The following ADGRG5 variants were observed in gnomAD, a reference collection of about 807,000 sequenced individuals.
The protein encoded by ADGRG5 is adhesion G protein-coupled receptor G5.
A neutral mutation model predicts 53.2 loss-of-function variants in ADGRG5; 37 were observed. The ratio of observed to expected loss-of-function variants is 0.70; its 90% CI spans 0.53 to 0.91. The LOEUF is 0.91. Among genes scored for constraint, ADGRG5 ranks in the 40% least tolerant of loss-of-function variants. ADGRG5 has a pLI of 0.00. For missense variants in ADGRG5, 614 were observed against 675.8 expected (o/e 0.91, Z 1.01); for synonymous variants, 277 against 290.4 (o/e 0.95, Z 0.47).
At chr16:57,566,776 T>C (rs1225058767) in intron 7 of ADGRG5, 25 bp downstream of exon 7, 12 of 1,427,818 alleles carry the variant, frequency 8.4e-6, no homozygotes, top group Non-Finnish European at 1.1e-5. Flanking sequence ...TGAGTGGGGC[T>C]CAGAGCTACA....
intron 1 of ADGRG5, among the ~76,000 whole-genome samples, chr16:57,545,425 T>C (rs1304584988): frequency 6.6e-6 from 1 of 152,142 alleles, no homozygotes; most frequent in African/African-American, 2.4e-5. Flanking sequence ...GGTGGCTTCC[T>C]CCTATGATCC....
chr16:57,555,108 T>C (rs2032851713), intron 1 of ADGRG5, among the ~76,000 whole-genome samples: 1 of 152,232 alleles, frequency 6.6e-6, no homozygotes, highest in African/African-American at 2.4e-5. Context: ...TTTTTGTGAA[T>C]GTTTCCTGTT....
the ADGRG5 span, among the ~76,000 whole-genome samples, chr16:57,531,496 C>G: frequency 1.6e-4 from 24 of 152,208 alleles, no homozygotes; most frequent in Non-Finnish European, 2.5e-4. Flanking sequence ...CCTCCCTGCC[C>G]ATCATGCACT....
intron 3 of ADGRG5, 54 bp downstream of exon 3, chr16:57,562,513 G>T: frequency 2.3e-6 from 3 of 1,278,128 alleles, no homozygotes; most frequent in South Asian, 2.6e-5. Context: ...AGTGGGTCAG[G>T]GTTAGTCTAA....
At chr16:57,549,258 G>A (rs2032693387) in intron 1 of ADGRG5, among the ~76,000 whole-genome samples, 1 of 152,200 alleles carries the variant, frequency 6.6e-6, no homozygotes, top group South Asian at 2.1e-4. Context: ...TTGCAGATGA[G>A]GCTCAGATCT....
At chr16:57,562,529 A>G (rs1199891236) in intron 3 of ADGRG5, 70 bp downstream of exon 3, 3 of 1,014,740 alleles carry the variant, frequency 3.0e-6, no homozygotes, top group Non-Finnish European at 4.4e-6. Context: ...TCTAATGTAG[A>G]CTCTTAACTG....
Position 57,568,144 on chromosome 16 carries a change from T to C in ADGRG5, c.1090+20T>C. 1 of 1,611,406 alleles carries C rather than the reference T, an allele frequency of 6.2e-7. No individual in the cohort carries two copies. Reference sequence around the variant, plus strand: ...GCTGGGGTAAGCACATCATCTCTCCTCGCCTCCTCAGACTTCCAGGTGGGC... The same window carrying C: ...GCTGGGGTAAGCACATCATCTCTCCCCGCCTCCTCAGACTTCCAGGTGGGC... On this transcript the variant is annotated intron_variant, in intron 9 of 11. Transcript: ENST00000349457.
intron 1 of ADGRG5, among the ~76,000 whole-genome samples, chr16:57,557,355 T>C (rs1387012431): frequency 6.6e-6 from 1 of 152,256 alleles, no homozygotes; most frequent in Non-Finnish European, 1.5e-5. Flanking sequence ...ATCTTCTGTG[T>C]ACAATGGCTC....
chr16:57,534,872 A>G, the ADGRG5 span, among the ~76,000 whole-genome samples: 39 of 152,244 alleles, frequency 2.6e-4, no homozygotes, highest in African/African-American at 8.9e-4. Flanking sequence ...GGGAAGCCTA[A>G]TTGACCCACT....
At chr16:57,532,698 GACACAC>G in the ADGRG5 span, among the ~76,000 whole-genome samples, 11,057 of 147,698 alleles carry the variant, frequency 0.075, 635 homozygotes, top group African/African-American at 0.16. Context: ...AAGTGAAGCA[GACACAC>G]ACACACACAC....
the ADGRG5 span, chr16:57,536,717 GGGGCTCCAGCCTAACTTCGGGGCGA>G: frequency 6.6e-6 from 1 of 152,204 alleles, no homozygotes; most frequent in South Asian, 2.1e-4. Context: ...TGCTGGGGTG[GGGGCTCCAGCCTAACTTCGGGGCGA>G]GGGGTGCGGG....
At chr16:57,540,777 C>T (rs1206716663), upstream of ADGRG5, among the ~76,000 whole-genome samples, 1 of 152,018 alleles carries the variant, frequency 6.6e-6, no homozygotes, top group Non-Finnish European at 1.5e-5. Context: ...TAGGGAGCCA[C>T]CACTGGTTTT....
intron 11 of ADGRG5, 68 bp from the exon 12 acceptor site, chr16:57,575,370 A>T: frequency 6.9e-7 from 1 of 1,446,550 alleles, no homozygotes; most frequent in African/African-American, 1.4e-5. Flanking sequence ...AGCTCGCTGC[A>T]GCCAAGGAGA....
chr16:57,551,705 T>A (rs1396281013), intron 1 of ADGRG5, among the ~76,000 whole-genome samples: 1 of 152,216 alleles, frequency 6.6e-6, no homozygotes, highest in Non-Finnish European at 1.5e-5. Flanking sequence ...TCCAAACTCC[T>A]GTTAATGTTG....
At chr16:57,538,239 C>T (rs76306269), upstream of ADGRG5, among the ~76,000 whole-genome samples, 1 of 152,076 alleles carries the variant, frequency 6.6e-6, no homozygotes, top group Admixed American at 6.5e-5. Context: ...TTTGGCAGCT[C>T]GCATGATGTT....
chr16:57,571,725 G>A lies in ADGRG5; in HGVS notation c.1208+1190G>A, dbSNP rs144467124. 3.3e-3 allele frequency among the ~76,000 whole-genome samples: 462 copies of A among 140,462 alleles called. 5 individuals carry two copies. The highest frequency in any genetic ancestry group is 0.012 in the African/African-American group (445 of 37,154). The allele number at this position is 140,462 out of a possible 152,430, so 92.1% of individuals were successfully genotyped here. On this transcript the variant is annotated intron_variant, in intron 10 of 11. Transcript: ENST00000349457. ...GGCTGGAGTGCAATGGTGTGATCTCGGCTCACTGCAACCTCTGCCTCCTGG... is the reference window on the plus strand; with the variant it reads ...GGCTGGAGTGCAATGGTGTGATCTCAGCTCACTGCAACCTCTGCCTCCTGG...
intron 1 of ADGRG5, among the ~76,000 whole-genome samples, chr16:57,559,610 G>A (rs371888371): frequency 2.6e-5 from 4 of 151,986 alleles, no homozygotes; most frequent in African/African-American, 4.8e-5. Context: ...CTACTTTTGC[G>A]GCAACTACCT....
chr16:57,533,536 T>A, the ADGRG5 span, among the ~76,000 whole-genome samples: 9 of 136,630 alleles, frequency 6.6e-5, no homozygotes, highest in East Asian at 1.5e-3. Context: ...ATGCACACAC[T>A]CACACACACA....
chr16:57,546,346 G>A (rs1349715944), intron 1 of ADGRG5, among the ~76,000 whole-genome samples: 1 of 152,094 alleles, frequency 6.6e-6, no homozygotes, highest in South Asian at 2.1e-4. Context: ...GGCTGGTCTC[G>A]AATTCCTGAG....
Sources: allele counts gnomAD v4.1 joint callset (sites outside exome capture counted in the v4.1 genomes callset), GRCh38; gene constraint gnomAD v4.1.1; transcripts MANE v1.5; gene names NCBI Gene and HGNC (gene_info 2026-07-23, HGNC 2026-07-21).